The following FBRSL1 variants were observed in gnomAD, a reference collection of about 807,000 sequenced individuals.
FBRSL1 encodes the protein fibrosin like 1.
A neutral mutation model predicts 89.6 loss-of-function variants in FBRSL1; 51 were observed. That is an observed-to-expected ratio of 0.57 (90% CI 0.45 to 0.72). The LOEUF is 0.72. FBRSL1 is among the 30% of genes least tolerant of loss of function. FBRSL1 has a pLI of 0.00. For missense variants in FBRSL1, 1,618 were observed against 1,451.8 expected, an observed-to-expected ratio of 1.11 and a Z score of -1.86; for synonymous variants, 779 against 681.1, an observed-to-expected ratio of 1.14 and a Z score of -2.24.
intron 5 of FBRSL1, among the ~76,000 whole-genome samples, chr12:132,556,685 C>G (rs1448740569): frequency 2.4e-5 from 3 of 125,886 alleles, no homozygotes; most frequent in African/African-American, 9.9e-5. Context: ...GGACGCTCCT[C>G]TCCAGGCCTT....
intron 2 of FBRSL1, chr12:132,509,032 C>T (rs2034022822): frequency 8.3e-7 from 1 of 1,200,530 alleles, no homozygotes. Context: ...TGCGCGGTGT[C>T]CTCGGCTCTC....
intron 9 of FBRSL1, 58 bp downstream of exon 9, chr12:132,571,289 T>C (rs1566228811): frequency 6.6e-7 from 1 of 1,510,688 alleles, no homozygotes. Flanking sequence ...TCTGTCTCTC[T>C]CTCTTTTTCT....
intron 2 of FBRSL1, among the ~76,000 whole-genome samples, chr12:132,522,601 C>T (rs536155287): frequency 1.6e-4 from 24 of 152,286 alleles, no homozygotes; most frequent in South Asian, 8.3e-4. Flanking sequence ...TGGATACTGA[C>T]GTCACAGAAA....
In FBRSL1 at chr12:132,583,769, G is replaced by A; in HGVS notation, c.3000G>A (p.Glu1000=). 11 of 1,217,418 alleles carry A rather than the reference G, an allele frequency of 9.0e-6. No individual in the cohort carries two copies. The highest frequency in any genetic ancestry group is 1.0e-5 in the Non-Finnish European group (10 of 978,556). The allele number at this position is 1,217,418 out of a possible 1,614,324, so 75.4% of individuals were successfully genotyped here. The change falls in exon 19 of 19, where the codon GAG becomes GAA. Residue 1000 remains glutamate (E), a synonymous_variant. Transcript: ENST00000680143. Reference sequence around the variant, plus strand: ...CGTCCCGAAATCCCCCGGAGGTGGAGGCGCGGTAGCCCCGGGGCCGCAGAC... The same window carrying A: ...CGTCCCGAAATCCCCCGGAGGTGGAAGCGCGGTAGCCCCGGGGCCGCAGAC... ...YSPSRNPPEV[E]AR
At chr12:132,529,627 GCCACCCTAA>G (rs1267846072) in intron 4 of FBRSL1, among the ~76,000 whole-genome samples, 4 of 148,920 alleles carry the variant, frequency 2.7e-5, no homozygotes, top group African/African-American at 1.0e-4. Flanking sequence ...GCTCTTCTCT[GCCACCCTAA>G]GCTCTGCCAC....
In FBRSL1 at chr12:132,580,367, C is replaced by A. The variant is rs534539690; in HGVS notation, c.1835-1072C>A. ...CCTCCCAAAGTGCTGGGATTACAGG[C>A]GTGAGCCACTGCGCCCGGCCAATTT... is the stretch of plus-strand genomic sequence containing the variant. On this transcript the variant is annotated intron_variant, in intron 15 of 18. Transcript: ENST00000680143. Among the ~76,000 whole-genome samples the A allele has an allele frequency of 7.2e-5, 11 of 152,320 alleles. No individual in the cohort carries two copies. In the South Asian group the frequency reaches 2.1e-3, roughly 29 times the overall value.
At chr12:132,547,288 C>T (rs560160816) in intron 4 of FBRSL1, among the ~76,000 whole-genome samples, 1 of 151,400 alleles carries the variant, frequency 6.6e-6, no homozygotes, top group South Asian at 2.1e-4. Context: ...TAGGGCTCTG[C>T]TTACTGAAAA....
rs571955471 is a variant in FBRSL1, at chr12:132,564,266, C to T, written c.646-3215C>T. On this transcript the variant is annotated intron_variant, in intron 5 of 18. Transcript: ENST00000680143. ...TGAGCCGCCTCCCTTCTGCCCTGAA[C>T]AGCAGCCCAGCTCCCTTGGCTGGGC... 7.9e-5 allele frequency among the ~76,000 whole-genome samples: 12 copies of T among 152,312 alleles called. No homozygotes were observed. In the South Asian group the frequency reaches 2.3e-3, roughly 29 times the overall value.
At chr12:132,562,576 G>A (rs369741965) in intron 5 of FBRSL1, among the ~76,000 whole-genome samples, 5 of 40,686 alleles carry the variant, frequency 1.2e-4, no homozygotes, top group Admixed American at 7.8e-4. Context: ...CCCCGACCCC[G>A]GGGACCGCAC....
chr12:132,551,888 T>C (rs1593455816), intron 5 of FBRSL1: 1 of 289,806 alleles, frequency 3.5e-6, no homozygotes, highest in East Asian at 8.3e-5. Flanking sequence ...CGCCAGGTGG[T>C]GGTGGCCTCG....
rs191092914 is a variant in FBRSL1 at position 132,501,299 on chromosome 12, G to A, written c.292-6854G>A. 5.1e-4 allele frequency among the ~76,000 whole-genome samples: 77 copies of A among 152,336 alleles called. No individual in the cohort carries two copies. The East Asian group carries it at 0.012, about 24-fold the overall frequency. ...CGGGATAAAGCTGGGGCCGAGCGGC[G>A]GCTGCCCCTGTGGTCCTCGCGCCCC... is the stretch of plus-strand genomic sequence containing the variant. On this transcript the variant is annotated intron_variant, in intron 1 of 18. Transcript: ENST00000680143.
chr12:132,493,088 G>A (rs1354499375), intron 1 of FBRSL1, among the ~76,000 whole-genome samples: 1 of 152,234 alleles, frequency 6.6e-6, no homozygotes, highest in East Asian at 1.9e-4. Context: ...GGACCTTGAG[G>A]CTCCCCATTG....
At chr12:132,551,526 C>G (rs1021597238) in intron 5 of FBRSL1, 1 of 456,312 alleles carries the variant, frequency 2.2e-6, no homozygotes, top group Non-Finnish European at 4.4e-6. Flanking sequence ...GGCCAGTGCA[C>G]TTCACATCTC....
intron 8 of FBRSL1, among the ~76,000 whole-genome samples, chr12:132,570,846 C>T (rs1016423230): frequency 1.3e-5 from 2 of 152,226 alleles, no homozygotes; most frequent in Non-Finnish European, 2.9e-5. Flanking sequence ...GGGTCCTGAG[C>T]CCTGGGAGGA....
rs542621978 is a variant in FBRSL1 at position 132,507,817 on chromosome 12, C to T, written c.292-336C>T. Among the ~76,000 whole-genome samples the T allele has an allele frequency of 4.4e-3, 675 of 152,212 alleles. 1 individual carries two copies. Among genetic ancestry groups the T allele is most frequent in the African/African-American group, 0.016 (644 of 41,510 alleles). On this transcript the variant is annotated intron_variant, in intron 1 of 18. Coordinates refer to ENST00000680143, the MANE Select transcript of FBRSL1 (RefSeq NM_001367871.1). ...CAGGGCACTCGCTCTTGAAAGGTAG[C>T]CCTGGTCTCAGCAGGGAGGGGCAGT...
At position 132,582,137 on chromosome 12, in the gene FBRSL1, A is replaced by G. The variant is rs1430919176; in HGVS notation, c.2072A>G (p.Asn691Ser). ...CTGCCCAGCCCCCATGAGGCCTGGA[A>G]CCGACTGCACCGGGCACCGCCCTCC... ...HGLPSPHEAWNRLHRAPPSFP... is the reference protein window; with the variant it reads ...HGLPSPHEAWSRLHRAPPSFP... Residue 691 changes from asparagine to serine, a missense_variant, in exon 18 of 19, where the codon AAC (asparagine) becomes AGC (serine). Physicochemically the swap from Asn to Ser is conservative, Grantham distance 46. Coordinates refer to ENST00000680143, the MANE Select transcript of FBRSL1 (RefSeq NM_001367871.1). 1 of 1,549,802 alleles carries G rather than the reference A, an allele frequency of 6.5e-7. No homozygotes were observed. Among genetic ancestry groups the G allele is most frequent in the Admixed American group, 2.0e-5 (1 of 50,958 alleles).
intron 4 of FBRSL1, among the ~76,000 whole-genome samples, chr12:132,537,312 G>A (rs184507716): frequency 7.9e-5 from 12 of 152,256 alleles, no homozygotes; most frequent in Middle Eastern, 3.4e-3. Context: ...TGTGAGTCGG[G>A]CCGAGCCCAG....
At chr12:132,510,034 A>C in intron 2 of FBRSL1, 1 of 1,231,324 alleles carries the variant, frequency 8.1e-7, no homozygotes, top group Middle Eastern at 3.1e-4. Flanking sequence ...GCCCCAGAGC[A>C]GCCCGGCCCA....
intron 4 of FBRSL1, among the ~76,000 whole-genome samples, chr12:132,544,817 T>C (rs2037548230): frequency 6.6e-6 from 1 of 151,510 alleles, no homozygotes; most frequent in Non-Finnish European, 1.5e-5. Flanking sequence ...GCGAGGATGA[T>C]GGTGAAAATG....
Sources: gnomAD v4.1 joint callset for allele counts (sites outside exome capture counted in the v4.1 genomes callset) on GRCh38, gnomAD v4.1.1 for gene constraint, MANE v1.5 for transcripts, NCBI Gene and HGNC (gene_info 2026-07-23, HGNC 2026-07-21) for gene names.